TENT5D: variants seen among roughly 807,000 people sequenced by gnomAD.
TENT5D encodes terminal nucleotidyltransferase 5D.
For synonymous variants in TENT5D, 103 were observed against 100.6 expected, an observed-to-expected ratio of 1.02 and a Z score of -0.15; for missense variants, 191 against 287.0, an observed-to-expected ratio of 0.67 and a Z score of 2.42.
At chrX:80,385,573 G>C (rs1280840706) in intron 3 of TENT5D, among the ~76,000 whole-genome samples, 1 of 111,860 alleles carries the variant, frequency 8.9e-6, no homozygotes, top group East Asian at 2.8e-4. Flanking sequence ...TTGACAAATG[G>C]GATCTAATTA....
intron 3 of TENT5D, among the ~76,000 whole-genome samples, chrX:80,406,210 A>C (rs1253258620): frequency 1.8e-5 from 2 of 112,465 alleles, no homozygotes; most frequent in African/African-American, 3.2e-5. Context: ...CCTCCAAAGG[A>C]ACGCAGTTCC....
exon 3 of TENT5D, chrX:80,443,451 A>C: frequency 8.3e-7 from 1 of 1,211,359 alleles, no homozygotes; most frequent in Non-Finnish European, 1.1e-6. Context: ...CCTTGCATGG[A>C]GTTGTGAATG....
At chrX:80,381,918 G>A (rs143141902) in intron 3 of TENT5D, among the ~76,000 whole-genome samples, 163 of 111,847 alleles carry the variant, frequency 1.5e-3, no homozygotes, top group African/African-American at 5.0e-3. Context: ...TCTTTAGCTC[G>A]GAGAAGTTTG....
chrX:80,379,301 C>G (rs1253274333), intron 3 of TENT5D, among the ~76,000 whole-genome samples: 1 of 109,702 alleles, frequency 9.1e-6, no homozygotes, highest in Non-Finnish European at 1.9e-5. Flanking sequence ...ATTAAGCCAA[C>G]TTGATCTTGG....
chrX:80,352,720 C>CAAA (rs1189877322), intron 3 of TENT5D, among the ~76,000 whole-genome samples: 11 of 19,915 alleles, frequency 5.5e-4, no homozygotes, highest in Non-Finnish European at 7.8e-4. Context: ...AGCAAACAAA[C>CAAA]AAAAAAAAAA....
chrX:80,425,649 T>A, intron 1 of TENT5D, among the ~76,000 whole-genome samples: 1 of 112,569 alleles, frequency 8.9e-6, no homozygotes, highest in Non-Finnish European at 1.9e-5. Context: ...TACAACAGTT[T>A]AAGATAATTT....
chrX:80,358,639 T>C (rs953357977), intron 3 of TENT5D, among the ~76,000 whole-genome samples: 15 of 112,172 alleles, frequency 1.3e-4, no homozygotes, highest in African/African-American at 4.9e-4. Flanking sequence ...CGTACAAATG[T>C]CATAATAGTC....
intron 3 of TENT5D, among the ~76,000 whole-genome samples, chrX:80,359,321 A>T (rs963493821): frequency 9.0e-6 from 1 of 111,686 alleles, no homozygotes; most frequent in Non-Finnish European, 1.9e-5. Flanking sequence ...AAGAATTATA[A>T]ATCATTCTAC....
At chrX:80,434,784 G>GT (rs1289760773) in intron 1 of TENT5D, among the ~76,000 whole-genome samples, 10,582 of 90,560 alleles carry the variant, frequency 0.12, 650 homozygotes, top group African/African-American at 0.2. Flanking sequence ...TTTTTTCTTT[G>GT]TTTTTTTTTT....
At chrX:80,359,518 C>G (rs1930362623) in intron 3 of TENT5D, among the ~76,000 whole-genome samples, 1 of 111,414 alleles carries the variant, frequency 9.0e-6, no homozygotes, top group Non-Finnish European at 1.9e-5. Context: ...CCATAATCCT[C>G]AGCAAACTAA....
At chrX:80,386,093 A>C (rs1930995457) in intron 3 of TENT5D, among the ~76,000 whole-genome samples, 2 of 112,396 alleles carry the variant, frequency 1.8e-5, no homozygotes, top group Non-Finnish European at 3.7e-5. Flanking sequence ...AAAGGATTAT[A>C]AATCATGCTG....
chrX:80,359,488 A>T (rs1930361685), intron 3 of TENT5D, among the ~76,000 whole-genome samples: 1 of 110,839 alleles, frequency 9.0e-6, no homozygotes, highest in East Asian at 2.9e-4. Flanking sequence ...GAATGAGTTC[A>T]TCGTGGATGA....
intron 3 of TENT5D, among the ~76,000 whole-genome samples, chrX:80,343,391 C>CTTTTTTTT (rs775221687): frequency 6.0e-5 from 5 of 83,375 alleles, no homozygotes; most frequent in Admixed American, 1.3e-4. Flanking sequence ...CATTTTATTT[C>CTTTTTTTT]TTTTTTTTTT....
chrX:80,409,647 A>G (rs1245259243), intron 3 of TENT5D, among the ~76,000 whole-genome samples: 5 of 111,676 alleles, frequency 4.5e-5, no homozygotes, highest in Admixed American at 9.5e-5. Context: ...GGAAGAATCA[A>G]TATCATTAAA....
Position 80,376,144 on chromosome X carries a change from C to T in TENT5D, c.-142+33580C>T, listed in dbSNP as rs149947404. Among the ~76,000 whole-genome samples, 721 of 109,936 alleles carry T rather than the reference C, an allele frequency of 6.6e-3. 7 individuals are homozygous for T. Among genetic ancestry groups the T allele is most frequent in the African/African-American group, 0.022 (670 of 30,368 alleles). On this transcript the variant is annotated intron_variant, in intron 3 of 4. Coordinates refer to the TENT5D transcript ENST00000538312. The stretch of plus-strand genomic sequence containing the variant: ...ATATTTCACTACTTGTAGTAATTAA[C>T]GTTTATGGCCCAATTGTTTATTCCA...
upstream of TENT5D, among the ~76,000 whole-genome samples, chrX:80,417,541 A>C (rs1054793137): frequency 9.1e-6 from 1 of 109,598 alleles, no homozygotes; most frequent in African/African-American, 3.3e-5. Flanking sequence ...TTCTGAAAAG[A>C]ATCTTATTTT....
chrX:80,343,461 G>A (rs1175378990), intron 3 of TENT5D, among the ~76,000 whole-genome samples: 5 of 100,923 alleles, frequency 5.0e-5, no homozygotes, highest in African/African-American at 1.5e-4. Flanking sequence ...GCAATGGCAC[G>A]ATCTCGGCTC....
At chrX:80,423,352 A>C (rs1179837514) in intron 1 of TENT5D, among the ~76,000 whole-genome samples, 1 of 111,687 alleles carries the variant, frequency 9.0e-6, no homozygotes, top group Non-Finnish European at 1.9e-5. Context: ...AGGAGCGTGG[A>C]CACAAGGGTG....
At chrX:80,416,588 C>T (rs1328603975), upstream of TENT5D, among the ~76,000 whole-genome samples, 1 of 109,819 alleles carries the variant, frequency 9.1e-6, no homozygotes, top group Non-Finnish European at 1.9e-5. Context: ...TTTCATGTAA[C>T]TGTATGGTTT....
Sources: gnomAD v4.1 joint callset for allele counts (sites outside exome capture counted in the v4.1 genomes callset) on GRCh38, gnomAD v4.1.1 for gene constraint, MANE v1.5 for transcripts, NCBI Gene and HGNC (gene_info 2026-07-23, HGNC 2026-07-21) for gene names.